KCNAB1: variants seen among roughly 807,000 people sequenced by gnomAD.
The protein encoded by KCNAB1 is voltage-gated potassium channel subunit beta-1.
KCNAB1 carries 35 observed loss-of-function variants against 64.6 expected under a neutral mutation model. That is an observed-to-expected ratio of 0.54 (90% confidence interval 0.41 to 0.72). The LOEUF is 0.72. Among genes scored for constraint, KCNAB1 ranks in the 30% least tolerant of loss-of-function variants. The probability of loss-of-function intolerance (pLI) is 0.00; values close to 1 mark genes in which losing one functional copy is unlikely to be tolerated. For missense variants in KCNAB1, 401 were observed against 512.9 expected, an observed-to-expected ratio of 0.78 and a Z score of 2.11; for synonymous variants, 177 against 183.8, an observed-to-expected ratio of 0.96 and a Z score of 0.30.
At position 156,297,757 on chromosome 3, in the gene KCNAB1, C is replaced by T. The variant is rs565135713; in HGVS notation, c.276-123859C>T. Among the ~76,000 whole-genome samples, 21 of 151,868 alleles carry T rather than the reference C, an allele frequency of 1.4e-4. 1 individual carries two copies. The South Asian group carries it at 4.4e-3, about 32-fold the overall frequency. On this transcript the variant is annotated intron_variant, in intron 1 of 13. Transcript: ENST00000490337. ...AGCCAATTATGTAAAAGGCACTTAG[C>T]GCGTGTGTGTGTGTGTGCGCGTGTG...
chr3:156,360,616 G>C (rs561949241), intron 1 of KCNAB1, among the ~76,000 whole-genome samples: 6 of 152,092 alleles, frequency 3.9e-5, no homozygotes, highest in African/African-American at 1.2e-4. Context: ...CATGAGGCTT[G>C]AGGAGGGAGC....
At position 156,414,952 on chromosome 3, in the gene KCNAB1, T is replaced by C. The variant is rs191001907; in HGVS notation, c.276-6664T>C. On this transcript the variant is annotated intron_variant, in intron 1 of 13. Transcript: ENST00000490337. The stretch of plus-strand genomic sequence containing the variant: ...GAAACAGTTCTAAACACCTCAGATT[T>C]CTATCATTTCTCCAAAGTGCCACCT... Among the ~76,000 whole-genome samples the C allele has an allele frequency of 9.2e-4, 140 of 152,320 alleles. 1 individual carries two copies. Among genetic ancestry groups the C allele is most frequent in the African/African-American group, 3.3e-3 (138 of 41,562 alleles).
At chr3:156,291,403 T>C in intron 1 of KCNAB1, 1 of 998,084 alleles carries the variant, frequency 1.0e-6, no homozygotes, top group Non-Finnish European at 1.2e-6. Flanking sequence ...CGCGCGCCAG[T>C]TGAGCATCCT....
intron 1 of KCNAB1, among the ~76,000 whole-genome samples, chr3:156,143,781 A>G (rs1198990766): frequency 2.0e-5 from 3 of 150,808 alleles, no homozygotes; most frequent in African/African-American, 7.3e-5. Flanking sequence ...ATAAGTTAAG[A>G]GTAGAATTTT....
intron 1 of KCNAB1, among the ~76,000 whole-genome samples, chr3:156,391,883 A>G (rs1041778185): frequency 6.6e-6 from 1 of 152,196 alleles, no homozygotes; most frequent in African/African-American, 2.4e-5. Flanking sequence ...ATTAACTAGT[A>G]TTTCAGCCTC....
intron 1 of KCNAB1, among the ~76,000 whole-genome samples, chr3:156,398,387 T>C (rs985553054): frequency 1.3e-5 from 2 of 151,780 alleles, no homozygotes; most frequent in Admixed American, 6.6e-5. Context: ...GCTCAGGAGA[T>C]CGAAACCATC....
chr3:156,321,995 G>A (rs1157983112), intron 1 of KCNAB1, among the ~76,000 whole-genome samples: 1 of 152,204 alleles, frequency 6.6e-6, no homozygotes, highest in East Asian at 1.9e-4. Context: ...CACCTCCAAT[G>A]TGGGAACAAA....
intron 1 of KCNAB1, among the ~76,000 whole-genome samples, chr3:156,319,321 C>T (rs2108021869): frequency 6.6e-6 from 1 of 152,212 alleles, no homozygotes; most frequent in East Asian, 1.9e-4. Context: ...CACTACATTT[C>T]CTTCATGGGT....
At chr3:156,392,858 A>T (rs1333797866) in intron 1 of KCNAB1, among the ~76,000 whole-genome samples, 1 of 152,216 alleles carries the variant, frequency 6.6e-6, no homozygotes, top group Non-Finnish European at 1.5e-5. Flanking sequence ...TTAATTTGCT[A>T]ATATTTTGCT....
intron 8 of KCNAB1, among the ~76,000 whole-genome samples, chr3:156,481,830 G>A (rs1352843528): frequency 2.0e-5 from 3 of 152,132 alleles, no homozygotes; most frequent in Admixed American, 2.0e-4. Flanking sequence ...CCTGAAAACA[G>A]AGGAAACATA....
chr3:156,320,535 A>G (rs1028857271), intron 1 of KCNAB1, among the ~76,000 whole-genome samples: 9 of 152,152 alleles, frequency 5.9e-5, no homozygotes, highest in Admixed American at 4.6e-4. Flanking sequence ...TTCTTTTGCC[A>G]TTTTCCCACA....
chr3:156,410,995 T>C (rs184837605), intron 1 of KCNAB1, among the ~76,000 whole-genome samples: 1 of 152,206 alleles, frequency 6.6e-6, no homozygotes, highest in Non-Finnish European at 1.5e-5. Flanking sequence ...TGGTATAGAT[T>C]GTTGAACTTT....
chr3:156,273,645 T>C (rs951508988), intron 1 of KCNAB1: 2 of 456,084 alleles, frequency 4.4e-6, no homozygotes, highest in East Asian at 1.4e-4. Context: ...CTCTCTTCAC[T>C]GCCTTTTTCA....
In KCNAB1 at chr3:156,533,247, A is replaced by G. The variant is rs1718826048; in HGVS notation, c.1170+1750A>G. On this transcript the variant is annotated intron_variant, in intron 13 of 13. Transcript: ENST00000490337. ...GCCTACATTAAATGTTTTTGCAAAA[A>G]GCCCCTCTGGAATATGTTTATTCCG... Among the ~76,000 whole-genome samples, 3 of 152,170 alleles carry G rather than the reference A, an allele frequency of 2.0e-5. No homozygotes were observed. The South Asian group carries it at 6.2e-4, about 31-fold the overall frequency.
intron 1 of KCNAB1, among the ~76,000 whole-genome samples, chr3:156,271,046 G>C (rs144018059): frequency 6.6e-6 from 1 of 152,276 alleles, no homozygotes; most frequent in African/African-American, 2.4e-5. Flanking sequence ...TGAAAAGTGT[G>C]CTGCTAGACA....
chr3:156,402,547 C>T (rs546031560), intron 1 of KCNAB1, among the ~76,000 whole-genome samples: 2 of 152,318 alleles, frequency 1.3e-5, no homozygotes, highest in South Asian at 4.1e-4. Context: ...TTTCCTTTCT[C>T]CCTTTGCAGA....
At chr3:156,291,334 G>A in intron 1 of KCNAB1, 1 of 990,656 alleles carries the variant, frequency 1.0e-6, no homozygotes, top group Non-Finnish European at 1.2e-6. Flanking sequence ...CAGCCGGAGT[G>A]GATGGAGACC....
At chr3:156,219,425 T>TA (rs988951523) in intron 1 of KCNAB1, among the ~76,000 whole-genome samples, 17 of 151,912 alleles carry the variant, frequency 1.1e-4, no homozygotes, top group African/African-American at 4.1e-4. Flanking sequence ...AAAAAGAATT[T>TA]AAAAAATGAA....
intron 2 of KCNAB1, among the ~76,000 whole-genome samples, chr3:156,436,146 A>G (rs572319682): frequency 6.6e-6 from 1 of 152,184 alleles, no homozygotes; most frequent in African/African-American, 2.4e-5. Flanking sequence ...TTCAACACCT[A>G]CTTATGAGTG....
Sources: gnomAD v4.1 joint callset for allele counts (sites outside exome capture counted in the v4.1 genomes callset) on GRCh38, gnomAD v4.1.1 for gene constraint, MANE v1.5 for transcripts, NCBI Gene and HGNC (gene_info 2026-07-23, HGNC 2026-07-21) for gene names.